The following SLFN12 variants were observed in gnomAD, a reference collection of about 807,000 sequenced individuals.
SLFN12 encodes schlafen family member 12.
Under a neutral mutation model 29.1 loss-of-function variants are expected in SLFN12, and 25 were observed. The observed-to-expected ratio is 0.86, with a 90% CI of 0.63 to 1.20. SLFN12 has a LOEUF of 1.20. Among genes scored for constraint, SLFN12 ranks in the 50% most tolerant of loss-of-function variants. SLFN12 has a pLI of 0.00. For synonymous variants in SLFN12, 257 were observed against 238.7 expected, an observed-to-expected ratio of 1.08 and a Z score of -0.71; for missense variants, 660 against 666.2, an observed-to-expected ratio of 0.99 and a Z score of 0.10.
chr17:35,423,671 A>G (rs1911836112), intron 1 of SLFN12, among the ~76,000 whole-genome samples: 1 of 152,160 alleles, frequency 6.6e-6, no homozygotes, highest in Admixed American at 6.5e-5. Flanking sequence ...CATATTTTCA[A>G]TAAGGAAAAT....
Position 35,422,486 on chromosome 17 carries a change from G to T in SLFN12, c.543C>A (p.Ala181=), listed in dbSNP as rs1199208400. ...IQEENNMKAL[A]GVFFDRTELD... is the part of the protein sequence containing the mutation. The stretch of plus-strand genomic sequence containing the variant: ...GTTCTGTTCTATCAAAAAAAACCCC[G>T]GCCAAGGCCTTCATGTTATTTTCTT... The change falls in exon 2 of 4, where the codon GCC becomes GCA. Residue 181 remains alanine (A), a synonymous_variant. Transcript: ENST00000304905. 2.5e-6 allele frequency: 4 copies of T among 1,612,692 alleles called. No homozygotes were observed. Among genetic ancestry groups the T allele is most frequent in the South Asian group, 2.2e-5 (2 of 90,660 alleles).
chr17:35,430,764 A>T (rs879465351), intron 1 of SLFN12, among the ~76,000 whole-genome samples: 5 of 152,150 alleles, frequency 3.3e-5, no homozygotes, highest in Admixed American at 3.3e-4. Flanking sequence ...TAAATAAAGA[A>T]TCTACCAACT....
chr17:35,430,389 T>C (rs1051398111), intron 1 of SLFN12: 4 of 152,142 alleles, frequency 2.6e-5, no homozygotes, highest in Non-Finnish European at 5.9e-5. Context: ...TTTTGTTTTT[T>C]AAAATTCCCC....
intron 3 of SLFN12, among the ~76,000 whole-genome samples, chr17:35,412,749 G>T (rs1462403471): frequency 4.6e-5 from 7 of 151,954 alleles, no homozygotes; most frequent in African/African-American, 1.7e-4. Context: ...GAAAACAGGA[G>T]AAAAATCAGA....
At chr17:35,420,567 G>A (rs557786456) in intron 2 of SLFN12, 186 bp from the exon 3 acceptor site, 6 of 449,258 alleles carry the variant, frequency 1.3e-5, no homozygotes, top group Middle Eastern at 5.8e-4. Context: ...TGATGCCACT[G>A]ACACACTATA....
intron 2 of SLFN12, 67 bp downstream of exon 2, chr17:35,421,923 C>G: frequency 6.4e-7 from 1 of 1,555,144 alleles, no homozygotes; most frequent in Non-Finnish European, 8.7e-7. Context: ...TGCCCCAGAT[C>G]CCATAGAGAA....
At chr17:35,419,243 C>T (rs8073702) in intron 3 of SLFN12, among the ~76,000 whole-genome samples, 3,451 of 151,940 alleles carry the variant, frequency 0.023, 139 homozygotes, top group African/African-American at 0.079. Context: ...AGCACTAAAC[C>T]GCAACATTTT....
intron 3 of SLFN12, 51 bp from the exon 4 acceptor site, chr17:35,411,978 T>C: frequency 7.2e-7 from 1 of 1,386,838 alleles, no homozygotes; most frequent in African/African-American, 1.5e-5. Flanking sequence ...GAAGTTCCCA[T>C]TTAAGCCATG....
At position 35,422,486 on chromosome 17, in the gene SLFN12, G is replaced by C; in HGVS notation, c.543C>G (p.Ala181=). ...GTTCTGTTCTATCAAAAAAAACCCC[G>C]GCCAAGGCCTTCATGTTATTTTCTT... ...IQEENNMKAL[A]GVFFDRTELD... The change falls in exon 2 of 4, where the codon GCC becomes GCG. Residue 181 remains alanine, a synonymous_variant. Coordinates refer to ENST00000304905, the MANE Select transcript of SLFN12 (RefSeq NM_018042.5). The C allele has an allele frequency of 1.9e-6, 3 of 1,612,692 alleles. No individual in the cohort carries two copies. The highest frequency in any genetic ancestry group is 2.5e-6 in the Non-Finnish European group (3 of 1,179,700).
At chr17:35,430,948 C>T (rs1453877825) in intron 1 of SLFN12, among the ~76,000 whole-genome samples, 2 of 152,136 alleles carry the variant, frequency 1.3e-5, no homozygotes, top group African/African-American at 2.4e-5. Flanking sequence ...ATGGCCTTTA[C>T]AGTAGATGTT....
chr17:35,425,838 C>CTT (rs58492425), intron 1 of SLFN12, among the ~76,000 whole-genome samples: 549 of 39,142 alleles, frequency 0.014, 70 homozygotes, highest in Middle Eastern at 0.042. Context: ...CTTTTCTTTT[C>CTT]TTTTTTTTTT....
chr17:35,414,413 G>C (rs574868029), intron 3 of SLFN12, among the ~76,000 whole-genome samples: 3 of 152,076 alleles, frequency 2.0e-5, no homozygotes, highest in African/African-American at 7.2e-5. Context: ...GGAGATGAAA[G>C]ATTTCTATAC....
At chr17:35,428,836 T>C (rs1027812028) in intron 1 of SLFN12, among the ~76,000 whole-genome samples, 1 of 152,122 alleles carries the variant, frequency 6.6e-6, no homozygotes, top group Admixed American at 6.5e-5. Context: ...TTCTCCTTAG[T>C]ATTATAGCAC....
intron 1 of SLFN12, among the ~76,000 whole-genome samples, chr17:35,424,250 G>T (rs1207885165): frequency 1.3e-5 from 2 of 151,596 alleles, no homozygotes; most frequent in African/African-American, 4.8e-5. Context: ...AATGTAACAA[G>T]TGTAACTTTT....
intron 3 of SLFN12, among the ~76,000 whole-genome samples, chr17:35,412,502 T>C (rs1597759028): frequency 6.6e-6 from 1 of 152,110 alleles, no homozygotes; most frequent in Non-Finnish European, 1.5e-5. Flanking sequence ...ACCAGCGACA[T>C]TACAGCAATA....
chr17:35,425,661 A>AT (rs773417896), intron 1 of SLFN12, among the ~76,000 whole-genome samples: 5 of 151,758 alleles, frequency 3.3e-5, no homozygotes, highest in Non-Finnish European at 5.9e-5. Context: ...TTCTTTATCC[A>AT]TTCATCTGTT....
intron 3 of SLFN12, 74 bp downstream of exon 3, chr17:35,420,200 C>T: frequency 9.4e-7 from 1 of 1,062,938 alleles, no homozygotes; most frequent in Non-Finnish European, 1.4e-6. Flanking sequence ...AATTTCAAGA[C>T]TGAGCTGGTT....
chr17:35,421,886 G>A, intron 2 of SLFN12, 104 bp downstream of exon 2: 1 of 1,403,936 alleles, frequency 7.1e-7, no homozygotes, highest in African/African-American at 1.4e-5. Flanking sequence ...AATAGTTTAG[G>A]TGCTGAAATT....
intron 3 of SLFN12, among the ~76,000 whole-genome samples, chr17:35,415,195 A>C (rs1200629877): frequency 1.3e-5 from 2 of 152,226 alleles, no homozygotes; most frequent in East Asian, 3.9e-4. Flanking sequence ...AATAGAGAAC[A>C]CTGAAAGAAA....
Sources: gnomAD v4.1 joint callset for allele counts (sites outside exome capture counted in the v4.1 genomes callset) on GRCh38, gnomAD v4.1.1 for gene constraint, MANE v1.5 for transcripts, NCBI Gene and HGNC (gene_info 2026-07-23, HGNC 2026-07-21) for gene names.